Variants in LRRC4C observed in about 807,000 individuals in gnomAD.
The protein encoded by LRRC4C is leucine-rich repeat-containing protein 4C.
A neutral mutation model predicts 33.6 loss-of-function variants in LRRC4C; 5 were observed. That is an observed-to-expected ratio of 0.15 (90% CI 0.08 to 0.31). The LOEUF is 0.31. LRRC4C is among the 10% of genes least tolerant of loss of function. The probability of loss-of-function intolerance (pLI) is 1.00; values close to 1 mark genes in which losing one functional copy is unlikely to be tolerated. For synonymous variants in LRRC4C, 329 were observed against 302.0 expected (o/e 1.09, Z -0.93); for missense variants, 560 against 796.7 (o/e 0.70, Z 3.58).
intron 3 of LRRC4C, among the ~76,000 whole-genome samples, chr11:40,593,708 A>C (rs1310502970): frequency 1.3e-5 from 2 of 152,216 alleles, no homozygotes; most frequent in Non-Finnish European, 2.9e-5. Context: ...AAAGTTTTTC[A>C]AGATAGAAGA....
intron 2 of LRRC4C, among the ~76,000 whole-genome samples, chr11:40,792,378 A>G (rs1467578721): frequency 1.3e-5 from 2 of 152,230 alleles, no homozygotes; most frequent in African/African-American, 2.4e-5. Flanking sequence ...TGGTAAATGA[A>G]AATAAATAGA....
At chr11:40,669,564 T>C (rs967403001) in intron 2 of LRRC4C, among the ~76,000 whole-genome samples, 8 of 152,226 alleles carry the variant, frequency 5.3e-5, no homozygotes, top group African/African-American at 1.2e-4. Context: ...ATCTGTTCTG[T>C]TGTTCCTGCT....
chr11:40,377,324 G>A (rs1001672614), intron 3 of LRRC4C, among the ~76,000 whole-genome samples: 1 of 152,092 alleles, frequency 6.6e-6, no homozygotes, highest in Non-Finnish European at 1.5e-5. Flanking sequence ...TGATGACAAT[G>A]GCATATACTA....
At chr11:41,281,115 C>CACAA (rs1384357064) in intron 1 of LRRC4C, among the ~76,000 whole-genome samples, 5 of 141,228 alleles carry the variant, frequency 3.5e-5, no homozygotes, top group Non-Finnish European at 7.7e-5. Flanking sequence ...CACACACACA[C>CACAA]ACACACACAC....
chr11:41,163,398 C>T (rs1304434101), intron 1 of LRRC4C, among the ~76,000 whole-genome samples: 1 of 144,580 alleles, frequency 6.9e-6, no homozygotes, highest in Non-Finnish European at 1.5e-5. Context: ...ATTCCCCTGC[C>T]TCAGCTTCCT....
At chr11:41,342,983 T>C (rs949214397) in intron 1 of LRRC4C, among the ~76,000 whole-genome samples, 2 of 152,194 alleles carry the variant, frequency 1.3e-5, no homozygotes, top group Non-Finnish European at 2.9e-5. Context: ...CAACCTTTCC[T>C]TGTGTTAACA....
At chr11:40,995,931 T>C (rs1475777715) in intron 1 of LRRC4C, among the ~76,000 whole-genome samples, 1 of 152,164 alleles carries the variant, frequency 6.6e-6, no homozygotes, top group African/African-American at 2.4e-5. Flanking sequence ...GAACACTGAC[T>C]AAATCAAATG....
At chr11:40,512,907 A>G (rs924614629) in intron 3 of LRRC4C, among the ~76,000 whole-genome samples, 1 of 152,158 alleles carries the variant, frequency 6.6e-6, no homozygotes, top group Non-Finnish European at 1.5e-5. Flanking sequence ...CCTGTGTACT[A>G]GGGACACCTG....
intron 1 of LRRC4C, among the ~76,000 whole-genome samples, chr11:41,423,402 C>T (rs1017091732): frequency 2.0e-5 from 3 of 152,180 alleles, no homozygotes; most frequent in Admixed American, 1.3e-4. Flanking sequence ...TTAACCTTTT[C>T]CTTCAAACAA....
Position 40,601,378 on chromosome 11 carries a change from A to T in LRRC4C, c.-270+46764T>A, listed in dbSNP as rs577857382. 2.0e-5 allele frequency among the ~76,000 whole-genome samples: 3 copies of T among 152,250 alleles called. No individual in the cohort carries two copies. The South Asian group carries it at 6.2e-4, about 32-fold the overall frequency. On this transcript the variant is annotated intron_variant, in intron 3 of 6. Transcript: ENST00000528697. ...CTGCAGCTATTTTTCCTTCCTCTAA[A>T]GGCCCAGATATTATTTTCTCAGTAA...
At chr11:40,338,030 G>A (rs981308024) in intron 3 of LRRC4C, among the ~76,000 whole-genome samples, 3 of 152,260 alleles carry the variant, frequency 2.0e-5, no homozygotes, top group African/African-American at 7.2e-5. Context: ...TCAAACTGTG[G>A]AAATCTTGTT....
At chr11:41,399,344 T>C (rs1375666200) in intron 1 of LRRC4C, among the ~76,000 whole-genome samples, 2 of 151,928 alleles carry the variant, frequency 1.3e-5, no homozygotes, top group Non-Finnish European at 2.9e-5. Flanking sequence ...TTCATTTTCT[T>C]GGGACTGACT....
At chr11:40,866,713 A>G (rs1490443167) in intron 2 of LRRC4C, among the ~76,000 whole-genome samples, 1 of 152,122 alleles carries the variant, frequency 6.6e-6, no homozygotes, top group Non-Finnish European at 1.5e-5. Flanking sequence ...TTTGACTTGC[A>G]GCATTGTTTT....
At chr11:40,453,116 G>A (rs1333568132) in intron 3 of LRRC4C, among the ~76,000 whole-genome samples, 1 of 152,068 alleles carries the variant, frequency 6.6e-6, no homozygotes, top group Non-Finnish European at 1.5e-5. Context: ...CACCAGCATG[G>A]CACATGTATA....
At chr11:40,938,634 G>A (rs1427450454) in intron 1 of LRRC4C, among the ~76,000 whole-genome samples, 3 of 152,116 alleles carry the variant, frequency 2.0e-5, no homozygotes, top group Non-Finnish European at 4.4e-5. Context: ...ATATGACCTA[G>A]GTGATTCAGA....
intron 1 of LRRC4C, among the ~76,000 whole-genome samples, chr11:41,231,791 A>G (rs1246585154): frequency 1.3e-5 from 2 of 151,874 alleles, no homozygotes; most frequent in Non-Finnish European, 2.9e-5. Context: ...GTGTATATAT[A>G]TGTATATATA....
chr11:40,357,210 T>G (rs968665211), intron 3 of LRRC4C, among the ~76,000 whole-genome samples: 4 of 152,092 alleles, frequency 2.6e-5, no homozygotes, highest in Non-Finnish European at 5.9e-5. Context: ...CTGGGGAAAA[T>G]TCATGTATTC....
chr11:40,191,910 T>G (rs1288124814), intron 5 of LRRC4C, among the ~76,000 whole-genome samples: 1 of 152,132 alleles, frequency 6.6e-6, no homozygotes, highest in East Asian at 1.9e-4. Flanking sequence ...CAGTGATCCA[T>G]GATCACCCCA....
intron 3 of LRRC4C, among the ~76,000 whole-genome samples, chr11:40,438,881 T>C (rs1402162846): frequency 6.6e-6 from 1 of 151,346 alleles, no homozygotes; most frequent in Non-Finnish European, 1.5e-5. Context: ...GGGATCAAAA[T>C]AATACTAGTT....
Sources: allele counts gnomAD v4.1 joint callset (sites outside exome capture counted in the v4.1 genomes callset), GRCh38; gene constraint gnomAD v4.1.1; transcripts MANE v1.5; gene names NCBI Gene and HGNC (gene_info 2026-07-23, HGNC 2026-07-21).